Variants in DNAAF5 observed in about 807,000 individuals in gnomAD.
DNAAF5 encodes dynein axonemal assembly factor 5.
DNAAF5 carries 64 observed loss-of-function variants against 75.8 expected under a neutral mutation model. The ratio of observed to expected loss-of-function variants is 0.84; its 90% confidence interval spans 0.69 to 1.04. The LOEUF (loss-of-function observed/expected upper bound fraction) is 1.04, where lower values mean the gene tolerates loss of function less well. Ranked by LOEUF, DNAAF5 falls within the 50% of genes least tolerant of loss-of-function variation. DNAAF5 has a pLI of 0.00. For synonymous variants in DNAAF5, 657 were observed against 557.2 expected, an observed-to-expected ratio of 1.18 and a Z score of -2.52; for missense variants, 1,269 against 1,178.5, an observed-to-expected ratio of 1.08 and a Z score of -1.12.
rs117592419 is a variant in DNAAF5 at position 770,349 on chromosome 7, G to A, written c.1784-122G>A. ...CTTACTGATTGAGAAAGAGGAAGCG[G>A]GGAGGTGGTGGCCGATAGTGCCCTC... On this transcript the variant is annotated intron_variant, in intron 8 of 12. Transcript: ENST00000297440. 4.9e-3 allele frequency: 3,772 copies of A among 765,548 alleles called. 18 individuals are homozygous for A. The highest frequency in any genetic ancestry group is 6.4e-3 in the Non-Finnish European group (3,115 of 484,374). The allele number at this position is 765,548 out of a possible 1,614,324, so 47.4% of individuals were successfully genotyped here. A position where few individuals can be genotyped will look rare whatever the true frequency, so the allele number is the denominator to read the frequency against.
intron 6 of DNAAF5, among the ~76,000 whole-genome samples, chr7:760,104 C>T (rs1305110719): frequency 6.6e-6 from 1 of 150,636 alleles, no homozygotes. Context: ...GGAGACGGGG[C>T]CGCGCGGCTC....
intron 10 of DNAAF5, 140 bp from the exon 11 acceptor site, chr7:774,866 C>T (rs1356163348): frequency 2.8e-6 from 2 of 725,560 alleles, no homozygotes; most frequent in Non-Finnish European, 4.7e-6. Flanking sequence ...CTAAATTTTA[C>T]AATGAAGATT....
intron 4 of DNAAF5, among the ~76,000 whole-genome samples, chr7:746,177 A>G (rs754947540): frequency 1.3e-5 from 2 of 152,116 alleles, no homozygotes; most frequent in Non-Finnish European, 2.9e-5. Flanking sequence ...AGAAGTTTGC[A>G]CTGGCCCTGT....
At chr7:764,576 G>A (rs143157894) in intron 8 of DNAAF5, among the ~76,000 whole-genome samples, 6 of 152,258 alleles carry the variant, frequency 3.9e-5, no homozygotes, top group African/African-American at 1.4e-4. Flanking sequence ...CGGCCCTCCC[G>A]CTCCCGCCTG....
intron 12 of DNAAF5, among the ~76,000 whole-genome samples, chr7:782,611 G>A (rs1327490432): frequency 1.4e-5 from 2 of 145,672 alleles, no homozygotes; most frequent in Non-Finnish European, 3.0e-5. Flanking sequence ...GTTACGCAGC[G>A]TCAGAAACTC....
At chr7:774,342 A>G in intron 10 of DNAAF5, 144 bp downstream of exon 10, 1 of 898,916 alleles carries the variant, frequency 1.1e-6, no homozygotes, top group Non-Finnish European at 1.6e-6. Context: ...GGCTCTCCCC[A>G]CACTGGCGGC....
In DNAAF5 at chr7:753,483, G is replaced by A. The variant is rs983356961; in HGVS notation, c.1025-1106G>A. Among the ~76,000 whole-genome samples, 7 of 152,332 alleles carry A rather than the reference G, an allele frequency of 4.6e-5. No homozygotes were observed. In the South Asian group the frequency reaches 1.0e-3, roughly 23 times the overall value. On this transcript the variant is annotated intron_variant, in intron 4 of 12. Transcript: ENST00000297440. ...GCAGTGCAGAGGAGCAGAGGAAGCCGGGCGAAGGACGCAGCTGTCACCCCC... is the reference window on the plus strand; with the variant it reads ...GCAGTGCAGAGGAGCAGAGGAAGCCAGGCGAAGGACGCAGCTGTCACCCCC...
At chr7:779,924 C>G (rs571244790) in intron 11 of DNAAF5, 29 bp from the exon 12 acceptor site, 1 of 1,598,656 alleles carries the variant, frequency 6.3e-7, no homozygotes, top group East Asian at 2.2e-5. Context: ...GCTCTAGACT[C>G]ACACACCTGT....
In DNAAF5 at chr7:727,080, G is replaced by C. The variant is rs1562369494; in HGVS notation, c.360G>C (p.Ala120=). ...ATGCCCTGCCGCGCCTGCTGCCCGC[G>C]CTCGCCGCGCGCTTGGCCGGCCCCG... ...PRDALPRLLP[A]LAARLAGPVP... Residue 120 remains alanine, a synonymous_variant, in exon 1 of 13, where the codon GCG becomes GCC. Coordinates refer to ENST00000297440, the MANE Select transcript of DNAAF5 (RefSeq NM_017802.4). 9.6e-7 allele frequency: 1 copy of C among 1,043,836 alleles called. No homozygotes were observed. The allele number at this position is 1,043,836 out of a possible 1,614,324, so 64.7% of individuals were successfully genotyped here.
chr7:775,728 C>A (rs549096989), intron 11 of DNAAF5, among the ~76,000 whole-genome samples: 1 of 152,278 alleles, frequency 6.6e-6, no homozygotes, highest in East Asian at 1.9e-4. Flanking sequence ...ACATTGCATT[C>A]GGCCTTAAAA....
At chr7:780,826 CTTTTTT>C (rs201445917) in intron 12 of DNAAF5, among the ~76,000 whole-genome samples, 1 of 131,268 alleles carries the variant, frequency 7.6e-6, no homozygotes, top group Non-Finnish European at 1.6e-5. Context: ...TTTTTTTTTT[CTTTTTT>C]TTTTTTTTGT....
chr7:734,662 T>C (rs527599706), intron 2 of DNAAF5, among the ~76,000 whole-genome samples: 1 of 152,374 alleles, frequency 6.6e-6, no homozygotes, highest in South Asian at 2.1e-4. Flanking sequence ...CATTAGTTCT[T>C]TAAACGTTTG....
chr7:777,555 G>A (rs189134649), intron 11 of DNAAF5, among the ~76,000 whole-genome samples: 7 of 152,046 alleles, frequency 4.6e-5, no homozygotes, highest in African/African-American at 1.7e-4. Flanking sequence ...GAGTTACCCA[G>A]CGAGGGAGAA....
chr7:775,995 C>G (rs373003665), intron 11 of DNAAF5, among the ~76,000 whole-genome samples: 1 of 152,064 alleles, frequency 6.6e-6, no homozygotes, highest in African/African-American at 2.4e-5. Context: ...CCCACAGATA[C>G]CAAGGGACGA....
chr7:783,056 G>T (rs114774231), intron 12 of DNAAF5, among the ~76,000 whole-genome samples: 4 of 152,260 alleles, frequency 2.6e-5, no homozygotes, highest in Non-Finnish European at 5.9e-5. Flanking sequence ...TTGGCTCATT[G>T]TGATTTTTTG....
intron 2 of DNAAF5, among the ~76,000 whole-genome samples, chr7:738,159 C>G (rs1442146757): frequency 1.3e-5 from 2 of 152,212 alleles, no homozygotes. Flanking sequence ...CTTCAAGCTG[C>G]TCACTAATTC....
Position 729,754 on chromosome 7 carries a change from A to G in DNAAF5, c.687A>G (p.Glu229=). The G allele has an allele frequency of 1.2e-6, 2 of 1,614,174 alleles. No homozygotes were observed. Among genetic ancestry groups the G allele is most frequent in the Non-Finnish European group, 8.5e-7 (1 of 1,180,020 alleles). The change falls in exon 2 of 13, where the codon GAA becomes GAG. Residue 229 remains glutamate (E), a synonymous_variant. Coordinates refer to ENST00000297440, the MANE Select transcript of DNAAF5 (RefSeq NM_017802.4). ...QHWKVRVAAI[E]ATGAVIHFGN... is the part of the protein sequence containing the mutation. Reference sequence around the variant, plus strand: ...GGAAGGTCCGTGTGGCCGCCATTGAAGCCACAGGCGCAGTGATCCATTTTG... The same window carrying G: ...GGAAGGTCCGTGTGGCCGCCATTGAGGCCACAGGCGCAGTGATCCATTTTG...
intron 3 of DNAAF5, 93 bp from the exon 4 acceptor site, chr7:741,254 G>A: frequency 1.1e-6 from 1 of 915,232 alleles, no homozygotes; most frequent in Non-Finnish European, 1.7e-6. Flanking sequence ...CTCACGCAAT[G>A]GGGTCTTTGG....
intron 12 of DNAAF5, among the ~76,000 whole-genome samples, chr7:781,660 G>A (rs1484665395): frequency 1.3e-5 from 2 of 152,154 alleles, no homozygotes; most frequent in Non-Finnish European, 2.9e-5. Flanking sequence ...CTCCACATCC[G>A]CGCCGGGACT....
Sources: gnomAD v4.1 joint callset for allele counts (sites outside exome capture counted in the v4.1 genomes callset) on GRCh38, gnomAD v4.1.1 for gene constraint, MANE v1.5 for transcripts, NCBI Gene and HGNC (gene_info 2026-07-23, HGNC 2026-07-21) for gene names.